B3GALT1: variants seen among roughly 807,000 people sequenced by gnomAD.
The protein encoded by B3GALT1 is beta-1,3-galactosyltransferase 1.
Under a neutral mutation model 23.2 loss-of-function variants are expected in B3GALT1, and 10 were observed. The ratio of observed to expected loss-of-function variants is 0.43; its 90% CI spans 0.27 to 0.73. B3GALT1 has a LOEUF of 0.73. Among genes scored for constraint, B3GALT1 ranks in the 30% least tolerant of loss-of-function variants. The pLI is 0.21. For missense variants in B3GALT1, 299 were observed against 405.4 expected, an observed-to-expected ratio of 0.74 and a Z score of 2.25; for synonymous variants, 156 against 141.5, an observed-to-expected ratio of 1.10 and a Z score of -0.73.
At chr2:167,524,494 T>A (rs1208778807) in intron 2 of B3GALT1, among the ~76,000 whole-genome samples, 3 of 152,198 alleles carry the variant, frequency 2.0e-5, no homozygotes, top group African/African-American at 7.2e-5. Context: ...TAAAAACCTC[T>A]GAATGTTTTG....
Position 167,602,972 on chromosome 2 carries a change from T to C in B3GALT1, c.-409-43937T>C, listed in dbSNP as rs10174286. On this transcript the variant is annotated intron_variant, in intron 2 of 4. Transcript: ENST00000392690. Reference sequence around the variant, plus strand: ...TGGCCCTGCACTACATCCACATGAGTGAAGCCACCACCTTACTCAATAATG... The same window carrying C: ...TGGCCCTGCACTACATCCACATGAGCGAAGCCACCACCTTACTCAATAATG... Among the ~76,000 whole-genome samples, 564 of 152,214 alleles carry C rather than the reference T, an allele frequency of 3.7e-3. 2 individuals are homozygous for C. The highest frequency in any genetic ancestry group is 0.013 in the African/African-American group (541 of 41,540).
intron 1 of B3GALT1, among the ~76,000 whole-genome samples, chr2:167,372,098 T>C (rs1325847337): frequency 2.6e-5 from 4 of 152,054 alleles, no homozygotes; most frequent in African/African-American, 7.2e-5. Flanking sequence ...TGAGTTGCTA[T>C]TGGCTAATTT....
chr2:167,646,775 T>A (rs1173566605), intron 2 of B3GALT1, among the ~76,000 whole-genome samples, 134 bp from the exon 3 acceptor site: 4 of 152,216 alleles, frequency 2.6e-5, no homozygotes, highest in Non-Finnish European at 5.9e-5. Flanking sequence ...TATTTGTTAG[T>A]GAAATGCACC....
chr2:167,336,564 T>A lies in B3GALT1; in HGVS notation c.-511+43230T>A, dbSNP rs1697059850. On this transcript the variant is annotated intron_variant, in intron 1 of 4. Transcript: ENST00000392690. Reference sequence around the variant, plus strand: ...GATTACTGATTATTTTTTATAGTCCTTTTCTTCAGGTATAGAAATCAAGTT... The same window carrying A: ...GATTACTGATTATTTTTTATAGTCCATTTCTTCAGGTATAGAAATCAAGTT... Among the ~76,000 whole-genome samples, 5 of 152,162 alleles carry A rather than the reference T, an allele frequency of 3.3e-5. No individual in the cohort carries two copies. In the South Asian group the frequency reaches 1.0e-3, roughly 31 times the overall value.
At chr2:167,466,617 C>CAAA (rs1175269957) in intron 1 of B3GALT1, among the ~76,000 whole-genome samples, 6 of 52,400 alleles carry the variant, frequency 1.1e-4, no homozygotes, top group Non-Finnish European at 1.4e-4. Flanking sequence ...AAGACTCTGT[C>CAAA]AAAAAAAAAA....
At chr2:167,538,146 C>G (rs192889842) in intron 2 of B3GALT1, among the ~76,000 whole-genome samples, 137 of 152,164 alleles carry the variant, frequency 9.0e-4, no homozygotes, top group African/African-American at 3.2e-3. Context: ...CTAAAGTCAC[C>G]TGTTCCCCCA....
At chr2:167,628,897 G>A (rs533496763) in intron 2 of B3GALT1, among the ~76,000 whole-genome samples, 50 of 151,764 alleles carry the variant, frequency 3.3e-4, no homozygotes, top group Non-Finnish European at 6.2e-4. Context: ...AGATTTATTA[G>A]TGTGGGAAAT....
At chr2:167,484,100 C>T (rs138738673) in intron 1 of B3GALT1, among the ~76,000 whole-genome samples, 166 of 152,230 alleles carry the variant, frequency 1.1e-3, no homozygotes, top group African/African-American at 3.7e-3. Flanking sequence ...AGTTGGATGA[C>T]CTCTTCTGAG....
At chr2:167,687,463 TG>T (rs376872282) in intron 3 of B3GALT1, among the ~76,000 whole-genome samples, 14 of 152,284 alleles carry the variant, frequency 9.2e-5, no homozygotes, top group African/African-American at 2.2e-4. Context: ...CAAAGGTTTT[TG>T]TTGCTACTTT....
chr2:167,485,936 G>A (rs185419971), intron 1 of B3GALT1, among the ~76,000 whole-genome samples: 4 of 152,314 alleles, frequency 2.6e-5, no homozygotes, highest in East Asian at 1.9e-4. Flanking sequence ...ACTGAAGGTC[G>A]TGATATCTTT....
chr2:167,500,906 TC>T (rs1213598503), intron 2 of B3GALT1, among the ~76,000 whole-genome samples: 6 of 152,152 alleles, frequency 3.9e-5, no homozygotes, highest in Non-Finnish European at 8.8e-5. Context: ...AGAACCATAA[TC>T]CTTTACTGAT....
intron 2 of B3GALT1, among the ~76,000 whole-genome samples, chr2:167,555,591 G>C (rs570343679): frequency 6.6e-6 from 1 of 152,194 alleles, no homozygotes; most frequent in East Asian, 1.9e-4. Flanking sequence ...CTTTTATTCA[G>C]ACATAAAAAT....
At chr2:167,338,384 T>C (rs1697093420) in intron 1 of B3GALT1, among the ~76,000 whole-genome samples, 3 of 152,096 alleles carry the variant, frequency 2.0e-5, no homozygotes, top group Non-Finnish European at 4.4e-5. Context: ...ACTAACATAA[T>C]ACTAAAAGTA....
chr2:167,764,796 A>T (rs1687950412), intron 3 of B3GALT1, among the ~76,000 whole-genome samples: 1 of 152,150 alleles, frequency 6.6e-6, no homozygotes, highest in Non-Finnish European at 1.5e-5. Flanking sequence ...ACGTAAGGAT[A>T]TGAAAATAAC....
At chr2:167,700,675 C>G (rs897088672) in intron 3 of B3GALT1, among the ~76,000 whole-genome samples, 1 of 151,366 alleles carries the variant, frequency 6.6e-6, no homozygotes, top group African/African-American at 2.4e-5. Flanking sequence ...TCAGTACAGT[C>G]AAAAAAAAGA....
chr2:167,603,106 A>T (rs1684903331), intron 2 of B3GALT1, among the ~76,000 whole-genome samples: 1 of 152,198 alleles, frequency 6.6e-6, no homozygotes, highest in South Asian at 2.1e-4. Context: ...TTTCCAGCAT[A>T]TAGGTCATCA....
chr2:167,757,658 A>G (rs1480026346), intron 3 of B3GALT1, among the ~76,000 whole-genome samples: 3 of 152,162 alleles, frequency 2.0e-5, no homozygotes, highest in South Asian at 2.1e-4. Flanking sequence ...CAATCTGAAA[A>G]GGAGAGAAGG....
chr2:167,319,907 A>G (rs1017323042), intron 1 of B3GALT1, among the ~76,000 whole-genome samples: 1 of 152,084 alleles, frequency 6.6e-6, no homozygotes, highest in African/African-American at 2.4e-5. Flanking sequence ...ACACAGGCTC[A>G]GTAGTTAAGT....
At chr2:167,474,217 CTT>C (rs1368769688) in intron 1 of B3GALT1, among the ~76,000 whole-genome samples, 5 of 152,174 alleles carry the variant, frequency 3.3e-5, no homozygotes, top group Admixed American at 1.3e-4. Flanking sequence ...TTGACTGACT[CTT>C]AGCATAAATT....
Sources: gnomAD v4.1 joint callset for allele counts (sites outside exome capture counted in the v4.1 genomes callset) on GRCh38, gnomAD v4.1.1 for gene constraint, MANE v1.5 for transcripts, NCBI Gene and HGNC (gene_info 2026-07-23, HGNC 2026-07-21) for gene names.